The following SUGCT variants were observed in gnomAD, a reference collection of about 807,000 sequenced individuals.
The protein encoded by SUGCT is succinyl-CoA:glutarate CoA-transferase.
In SUGCT, 41 loss-of-function variants were observed where a neutral mutation model predicts 55.0. The observed-to-expected ratio is 0.74, with a 90% CI of 0.58 to 0.97. The LOEUF (loss-of-function observed/expected upper bound fraction) is 0.97. Ranked by LOEUF, SUGCT falls within the 50% of genes least tolerant of loss-of-function variation. The pLI is 0.00. For synonymous variants in SUGCT, 187 were observed against 200.4 expected, an observed-to-expected ratio of 0.93 and a Z score of 0.56; for missense variants, 568 against 547.8, an observed-to-expected ratio of 1.04 and a Z score of -0.37.
At chr7:40,153,617 T>A (rs1165183229) in intron 1 of SUGCT, 7 of 521,988 alleles carry the variant, frequency 1.3e-5, no homozygotes, top group Non-Finnish European at 2.7e-5. Context: ...TGCTACCTTA[T>A]GTTATAATAG....
intron 7 of SUGCT, among the ~76,000 whole-genome samples, chr7:40,270,583 T>C (rs1374816987): frequency 1.3e-5 from 2 of 152,244 alleles, no homozygotes. Flanking sequence ...CTTCCACCAG[T>C]ACCATGCTGC....
intron 12 of SUGCT, among the ~76,000 whole-genome samples, chr7:40,510,245 TG>T (rs1332549372): frequency 6.6e-6 from 1 of 151,952 alleles, no homozygotes; most frequent in Non-Finnish European, 1.5e-5. Flanking sequence ...TATATAATTC[TG>T]TTTTTTTATT....
intron 12 of SUGCT, among the ~76,000 whole-genome samples, chr7:40,649,758 T>C (rs1374648659): frequency 3.9e-5 from 6 of 152,184 alleles, no homozygotes; most frequent in African/African-American, 1.2e-4. Context: ...TTTTCAGTTA[T>C]TCAAAAATTG....
intron 9 of SUGCT, among the ~76,000 whole-genome samples, chr7:40,442,724 T>A (rs1562780435): frequency 6.6e-6 from 1 of 152,130 alleles, no homozygotes; most frequent in Admixed American, 6.6e-5. Context: ...TATAAAAAGC[T>A]CATTTTTAAA....
chr7:40,144,356 A>G (rs1231884182), intron 1 of SUGCT, among the ~76,000 whole-genome samples: 5 of 152,228 alleles, frequency 3.3e-5, no homozygotes, highest in Admixed American at 3.3e-4. Flanking sequence ...AGAATAGATG[A>G]AAGAGAGTGA....
intron 7 of SUGCT, among the ~76,000 whole-genome samples, chr7:40,254,131 C>T (rs1277125369): frequency 6.6e-6 from 1 of 152,142 alleles, no homozygotes; most frequent in East Asian, 1.9e-4. Context: ...GGAAGGAAAG[C>T]CGAAAGAAGA....
intron 11 of SUGCT, among the ~76,000 whole-genome samples, chr7:40,480,457 C>T (rs763990299): frequency 4.6e-5 from 7 of 152,012 alleles, no homozygotes; most frequent in South Asian, 2.1e-4. Flanking sequence ...AGTGAGATGC[C>T]GCCAGTTTTG....
chr7:40,508,659 GT>G (rs914665117), intron 12 of SUGCT, among the ~76,000 whole-genome samples: 5 of 151,954 alleles, frequency 3.3e-5, no homozygotes, highest in African/African-American at 1.2e-4. Context: ...TTGAATGAAT[GT>G]TTTTTCATTT....
At chr7:40,363,386 T>G (rs1798250664) in intron 9 of SUGCT, among the ~76,000 whole-genome samples, 2 of 152,208 alleles carry the variant, frequency 1.3e-5, no homozygotes, top group South Asian at 4.1e-4. Flanking sequence ...GGTTTTCTAG[T>G]TCTTTTAATT....
chr7:40,162,655 T>A (rs1784235019), intron 1 of SUGCT, among the ~76,000 whole-genome samples: 1 of 152,278 alleles, frequency 6.6e-6, no homozygotes, highest in African/African-American at 2.4e-5. Flanking sequence ...TTTTTTACTT[T>A]TTATTTTTAT....
At chr7:40,954,942 G>T in the SUGCT span, among the ~76,000 whole-genome samples, 1 of 152,104 alleles carries the variant, frequency 6.6e-6, no homozygotes, top group Non-Finnish European at 1.5e-5. Context: ...AAGAACAGAT[G>T]ATTGTAGATG....
intron 12 of SUGCT, among the ~76,000 whole-genome samples, chr7:40,517,268 T>C (rs571701186): frequency 5.3e-5 from 8 of 151,906 alleles, no homozygotes; most frequent in Non-Finnish European, 1.2e-4. Context: ...ATTTTTTAAA[T>C]GTAAGCTCAT....
the SUGCT span, among the ~76,000 whole-genome samples, chr7:40,925,732 T>C: frequency 6.6e-6 from 1 of 152,082 alleles, no homozygotes; most frequent in Non-Finnish European, 1.5e-5. Flanking sequence ...GTATTCACAA[T>C]ACAAATTTAT....
At chr7:40,662,124 C>G (rs12701826) in intron 12 of SUGCT, among the ~76,000 whole-genome samples, 52,837 of 152,156 alleles carry the variant, frequency 0.35, 11,728 homozygotes, top group African/African-American at 0.64. Context: ...CAAAGGCCTA[C>G]TTTCTTAAGC....
chr7:40,801,720 G>A (rs1162204398), intron 13 of SUGCT, among the ~76,000 whole-genome samples: 1 of 151,954 alleles, frequency 6.6e-6, no homozygotes, highest in Non-Finnish European at 1.5e-5. Context: ...TTCAAATTGG[G>A]CTGAACTTTG....
At chr7:40,638,690 G>C (rs1800127911) in intron 12 of SUGCT, among the ~76,000 whole-genome samples, 1 of 152,150 alleles carries the variant, frequency 6.6e-6, no homozygotes, top group African/African-American at 2.4e-5. Context: ...GGCCAGTAAG[G>C]GAGGAAAGGA....
chr7:41,038,626 G>C, the SUGCT span, among the ~76,000 whole-genome samples: 1 of 152,126 alleles, frequency 6.6e-6, no homozygotes, highest in Non-Finnish European at 1.5e-5. Context: ...ACCCTGCTGT[G>C]GGACAGCTTT....
intron 9 of SUGCT, among the ~76,000 whole-genome samples, chr7:40,417,603 T>G (rs1295616221): frequency 2.6e-5 from 4 of 151,920 alleles, no homozygotes; most frequent in Non-Finnish European, 5.9e-5. Flanking sequence ...GCATATTTTT[T>G]GTTCAAGTGC....
intron 13 of SUGCT, among the ~76,000 whole-genome samples, chr7:40,809,287 G>A (rs759443394): frequency 4.6e-5 from 7 of 152,102 alleles, no homozygotes; most frequent in Non-Finnish European, 1.0e-4. Context: ...TTCCATCTAT[G>A]ATTTTTCCTT....
Sources: allele counts gnomAD v4.1 joint callset (sites outside exome capture counted in the v4.1 genomes callset), GRCh38; gene constraint gnomAD v4.1.1; transcripts MANE v1.5; gene names NCBI Gene and HGNC (gene_info 2026-07-23, HGNC 2026-07-21).